The following SCFD2 variants were observed in gnomAD, a reference collection of about 807,000 sequenced individuals.
SCFD2 encodes sec1 family domain-containing protein 2.
In SCFD2, 54 loss-of-function variants were observed where a neutral mutation model predicts 58.9. The observed-to-expected ratio is 0.92, with a 90% CI of 0.74 to 1.15. The LOEUF is 1.15. SCFD2 is among the 50% of genes most tolerant of loss of function. The pLI, the probability that SCFD2 is intolerant of heterozygous loss-of-function variation, is 0.00. For synonymous variants in SCFD2, 321 were observed against 335.9 expected, an observed-to-expected ratio of 0.96 and a Z score of 0.49; for missense variants, 805 against 836.6, an observed-to-expected ratio of 0.96 and a Z score of 0.47.
At position 52,981,345 on chromosome 4, in the gene SCFD2, C is replaced by T. The variant is rs935779220; in HGVS notation, c.1562-60475G>A. ...TCTCCTGCCCTGCTTTAATTTTAGG[C>T]TTTAAGCATTCTCACAGGGTATACA... On this transcript the variant is annotated intron_variant, in intron 5 of 8. Coordinates refer to ENST00000401642, the MANE Select transcript of SCFD2 (RefSeq NM_152540.4). Among the ~76,000 whole-genome samples the T allele has an allele frequency of 3.9e-5, 6 of 152,266 alleles. No homozygotes were observed. The South Asian group carries it at 6.2e-4, about 16-fold the overall frequency.
chr4:52,907,694 T>G, intron 6 of SCFD2, 103 bp from the exon 7 acceptor site: 1 of 1,003,272 alleles, frequency 1.0e-6, no homozygotes, highest in South Asian at 1.4e-5. Flanking sequence ...ATTTTGATAC[T>G]GAGCAATGCC....
intron 5 of SCFD2, among the ~76,000 whole-genome samples, chr4:52,971,141 C>T (rs1042658766): frequency 1.3e-5 from 2 of 152,182 alleles, no homozygotes; most frequent in African/African-American, 2.4e-5. Flanking sequence ...CAGCTCCTCA[C>T]CAGCAATGGA....
chr4:52,913,346 G>A (rs1445606693), intron 6 of SCFD2, among the ~76,000 whole-genome samples: 4 of 152,084 alleles, frequency 2.6e-5, no homozygotes, highest in Non-Finnish European at 5.9e-5. Flanking sequence ...CCTGAGTTCC[G>A]CCTCCTGTCA....
chr4:53,004,591 C>T (rs1321390976), intron 5 of SCFD2, among the ~76,000 whole-genome samples: 2 of 152,198 alleles, frequency 1.3e-5, no homozygotes, highest in Non-Finnish European at 2.9e-5. Flanking sequence ...CAAGGTCACA[C>T]AGCTAAGTAG....
rs147809124 is a variant in SCFD2, at chr4:53,158,488, T to C, written c.1312-12906A>G. Among the ~76,000 whole-genome samples, 9 of 152,324 alleles carry C rather than the reference T, an allele frequency of 5.9e-5. No homozygotes were observed. The East Asian group carries it at 7.7e-4, about 13-fold the overall frequency. ...TTGTGTGGTACCATCACTCTTCCAG[T>C]TGACCAAGTCAGAAGCTTGGACTCT... On this transcript the variant is annotated intron_variant, in intron 4 of 8. Transcript: ENST00000401642.
intron 5 of SCFD2, among the ~76,000 whole-genome samples, chr4:53,029,640 T>A (rs1722566315): frequency 6.6e-6 from 1 of 152,218 alleles, no homozygotes; most frequent in Non-Finnish European, 1.5e-5. Flanking sequence ...TTAAAATTCT[T>A]AACTCTGGAA....
intron 6 of SCFD2, among the ~76,000 whole-genome samples, chr4:52,920,488 A>G (rs1394815195): frequency 6.6e-6 from 1 of 152,152 alleles, no homozygotes; most frequent in East Asian, 1.9e-4. Flanking sequence ...ACAGTTAGAA[A>G]GCCATGGCTG....
intron 2 of SCFD2, 141 bp downstream of exon 2, chr4:53,352,457 C>A: frequency 1.8e-6 from 1 of 559,498 alleles, no homozygotes; most frequent in Non-Finnish European, 3.0e-6. Context: ...AGAAAAAATG[C>A]TTTTTGCTAA....
chr4:52,942,006 G>A (rs1007150635), intron 5 of SCFD2, among the ~76,000 whole-genome samples: 1 of 152,196 alleles, frequency 6.6e-6, no homozygotes, highest in Non-Finnish European at 1.5e-5. Context: ...TTGAATTTAG[G>A]TTTGGGATGT....
intron 5 of SCFD2, among the ~76,000 whole-genome samples, chr4:52,944,248 T>C (rs301100): frequency 0.97 from 148,218 of 152,326 alleles, 72,134 homozygotes; most frequent in East Asian, 1. Context: ...TGTATTACTG[T>C]TTATCTCATT....
chr4:52,885,981 G>A (rs2109447539), intron 7 of SCFD2, 115 bp from the exon 8 acceptor site: 2 of 1,313,602 alleles, frequency 1.5e-6, no homozygotes, highest in East Asian at 5.0e-5. Flanking sequence ...ACTGATAGTG[G>A]CAGGAGGCAG....
At chr4:53,301,853 C>T (rs971625636) in intron 3 of SCFD2, among the ~76,000 whole-genome samples, 1 of 152,158 alleles carries the variant, frequency 6.6e-6, no homozygotes, top group Non-Finnish European at 1.5e-5. Flanking sequence ...ACAAAAACCA[C>T]ACGACTATCT....
At chr4:53,127,071 C>T (rs1725650361) in intron 5 of SCFD2, among the ~76,000 whole-genome samples, 1 of 152,152 alleles carries the variant, frequency 6.6e-6, no homozygotes, top group Non-Finnish European at 1.5e-5. Context: ...TAACCCAAAA[C>T]TTCAGAATTT....
intron 5 of SCFD2, among the ~76,000 whole-genome samples, chr4:53,046,482 T>C (rs1723042335): frequency 6.6e-6 from 1 of 152,136 alleles, no homozygotes. Flanking sequence ...CCCAAAGTGT[T>C]GGAATTACAG....
chr4:53,255,822 G>C (rs1730593958), intron 4 of SCFD2, among the ~76,000 whole-genome samples: 1 of 149,980 alleles, frequency 6.7e-6, no homozygotes, highest in South Asian at 2.1e-4. Context: ...CCCGGACCGG[G>C]CAGCTGGCCG....
At chr4:53,137,358 T>C (rs1177370844) in intron 5 of SCFD2, among the ~76,000 whole-genome samples, 1 of 152,190 alleles carries the variant, frequency 6.6e-6, no homozygotes, top group Non-Finnish European at 1.5e-5. Context: ...CGCATGACCA[T>C]GATGATAAAA....
chr4:53,365,145 C>T lies in SCFD2; in HGVS notation c.797G>A (p.Arg266Lys), dbSNP rs1162816357. 6.2e-7 allele frequency: 1 copy of T among 1,614,208 alleles called. No individual in the cohort carries two copies. The part of the protein sequence containing the change: ...AKNRKKTAAG[R>K]ASVVFVDRTL... ...TCTGTCCACAAAAACCACTGATGCC[C>T]TGCCTGCAGCAGTCTTCTTCCTGTT... The change falls in exon 1 of 9, where the codon AGG becomes AAG. Residue 266 changes from arginine (R) to lysine (K), a missense_variant. Physicochemically the swap from Arg to Lys is conservative, Grantham distance 26 (BLOSUM62 2). This residue lies in a region of SCFD2 where 633 missense variants were observed against 646.8 expected (regional missense o/e 0.98). Transcript: ENST00000401642. This position sits in a 1 kb window ranked among gnomAD's most constrained non-coding sequence, Gnocchi z 4.3.
intron 4 of SCFD2, among the ~76,000 whole-genome samples, chr4:53,213,841 T>C (rs1728708651): frequency 6.6e-6 from 1 of 152,066 alleles, no homozygotes; most frequent in Middle Eastern, 3.2e-3. Flanking sequence ...GTGTGTGATG[T>C]TCCGCTTCCT....
chr4:53,113,256 T>C (rs1313566826), intron 5 of SCFD2, among the ~76,000 whole-genome samples: 1 of 152,122 alleles, frequency 6.6e-6, no homozygotes, highest in Non-Finnish European at 1.5e-5. Context: ...GACTGCACTT[T>C]TCCTAGCCCC....
Sources: gnomAD v4.1 joint callset for allele counts (sites outside exome capture counted in the v4.1 genomes callset) on GRCh38, gnomAD v4.1.1 for gene constraint, gnomAD v4.1.1 regional missense constraint, Gnocchi (gnomAD v3.1) non-coding constraint, MANE v1.5 for transcripts, NCBI Gene and HGNC (gene_info 2026-07-23, HGNC 2026-07-21) for gene names.